The following URGCP variants were observed in gnomAD, a reference collection of about 807,000 sequenced individuals.
URGCP encodes up-regulator of cell proliferation.
A neutral mutation model predicts 24.6 loss-of-function variants in URGCP; 13 were observed. The observed-to-expected ratio is 0.53, with a 90% CI of 0.34 to 0.84. The LOEUF is 0.84. Ranked by LOEUF, URGCP falls within the 40% of genes least tolerant of loss-of-function variation. The pLI, the probability that URGCP is intolerant of heterozygous loss-of-function variation, is 0.01. For synonymous variants in URGCP, 444 were observed against 487.2 expected, an observed-to-expected ratio of 0.91 and a Z score of 1.17; for missense variants, 899 against 1,194.3, an observed-to-expected ratio of 0.75 and a Z score of 3.64.
At chr7:43,925,729 AC>A (rs2095928790) in intron 1 of URGCP, among the ~76,000 whole-genome samples, 1 of 149,138 alleles carries the variant, frequency 6.7e-6, no homozygotes, top group South Asian at 2.2e-4. Context: ...CGAACTCCTG[AC>A]CTCAAGTGAT....
chr7:43,913,429 A>G (rs1422999455), intron 1 of URGCP, among the ~76,000 whole-genome samples: 3 of 151,624 alleles, frequency 2.0e-5, no homozygotes, highest in Admixed American at 6.6e-5. Context: ...CGTGTTAGCC[A>G]GGATGGTCTT....
At chr7:43,918,756 T>C in intron 1 of URGCP, 2 of 836,962 alleles carry the variant, frequency 2.4e-6, no homozygotes, top group East Asian at 2.4e-5. Context: ...TGGGTTCGAG[T>C]TCTGGAAACA....
At chr7:43,898,246 A>T (rs1461313689) in intron 1 of URGCP, among the ~76,000 whole-genome samples, 1 of 152,246 alleles carries the variant, frequency 6.6e-6, no homozygotes, top group Admixed American at 6.5e-5. Context: ...CCAAGAGATC[A>T]ACCTGAAAAC....
At chr7:43,907,075 T>C (rs2095904765), upstream of URGCP, 2 of 152,276 alleles carry the variant, frequency 1.3e-5, no homozygotes, top group Non-Finnish European at 2.9e-5. Context: ...AAAATGTGTA[T>C]AAAGTGGCCT....
chr7:43,889,690 A>G (rs1049926463), intron 1 of URGCP: 2 of 152,224 alleles, frequency 1.3e-5, no homozygotes, highest in Non-Finnish European at 2.9e-5. Context: ...GCTCTAGCCC[A>G]TTCTGTTAAC....
At chr7:43,881,505 G>T (rs1176319073) in intron 5 of URGCP, among the ~76,000 whole-genome samples, 154 bp downstream of exon 5, 1 of 146,118 alleles carries the variant, frequency 6.8e-6, no homozygotes, top group Non-Finnish European at 1.5e-5. Flanking sequence ...TAGCAATATG[G>T]TTAACAATGT....
chr7:43,878,555 T>C lies in URGCP; in HGVS notation c.908A>G (p.Asn303Ser), dbSNP rs949819430. ...CAACCCATCCGAAATCTCCCGGGCA[T>C]TGGTGCCCAAGTTGAGGTCCCGATG... ...FWHRDLNLGT[N>S]AREISDGLVE... Residue 303 changes from asparagine to serine, a missense_variant, in exon 6 of 6, where the codon AAT (asparagine) becomes AGT (serine). Coordinates refer to ENST00000453200, the MANE Select transcript of URGCP (RefSeq NM_001077663.3). The surrounding 1 kb of genome is among the most constrained non-coding windows in gnomAD (Gnocchi z 5.6). 1.9e-6 allele frequency: 3 copies of C among 1,614,200 alleles called. No homozygotes were observed. The highest frequency in any genetic ancestry group is 2.2e-5 in the East Asian group (1 of 44,874).
At chr7:43,924,736 G>C (rs2095926695) in intron 1 of URGCP, among the ~76,000 whole-genome samples, 1 of 152,108 alleles carries the variant, frequency 6.6e-6, no homozygotes, top group African/African-American at 2.4e-5. Context: ...CAGGTGGGCT[G>C]GAGGTAGGAA....
chr7:43,915,041 G>A (rs1472664239), intron 1 of URGCP, among the ~76,000 whole-genome samples: 1 of 152,244 alleles, frequency 6.6e-6, no homozygotes, highest in Non-Finnish European at 1.5e-5. Context: ...GCTGGGAGAG[G>A]AGCCTGGCCT....
chr7:43,914,267 G>T (rs1344123232), intron 1 of URGCP, among the ~76,000 whole-genome samples: 1 of 152,158 alleles, frequency 6.6e-6, no homozygotes, highest in African/African-American at 2.4e-5. Flanking sequence ...TTGGGAGGCT[G>T]AGGTGGGGTG....
At position 43,885,152 on chromosome 7, in the gene URGCP, G is replaced by A. The variant is rs1286742465; in HGVS notation, c.112+2263C>T. Among the ~76,000 whole-genome samples, 7 of 150,820 alleles carry A rather than the reference G, an allele frequency of 4.6e-5. No individual in the cohort carries two copies. The East Asian group carries it at 1.4e-3, about 29-fold the overall frequency. On this transcript the variant is annotated intron_variant, in intron 3 of 5. Transcript: ENST00000453200. ...GTCTTGCTCTGTCGCCCAGGCTGGA[G>A]TGCAGTGGTATGATCCCGGCTCACA...
intron 1 of URGCP, among the ~76,000 whole-genome samples, chr7:43,893,482 T>C (rs918035914): frequency 1.3e-5 from 2 of 152,194 alleles, no homozygotes; most frequent in African/African-American, 2.4e-5. Flanking sequence ...GACTGTACCA[T>C]TGTGCTCCAA....
In URGCP at chr7:43,877,801, CCCCGAGATGAACT is replaced by C; in HGVS notation, c.1649_1661del (p.Glu550GlyfsTer7). On this transcript the variant is annotated frameshift_variant, in exon 6 of 6. Transcript: ENST00000453200. LOFTEE classifies it low-confidence loss of function (END_TRUNC). Reference sequence around the variant, plus strand: ...TCTCACTCAAGGAGGGGCTGCTGATCCCCGAGATGAACTCCTGCACCCCCGAGGAGGGATCATG... The same window carrying C: ...TCTCACTCAAGGAGGGGCTGCTGATCCCTGCACCCCCGAGGAGGGATCATG... 6.2e-7 allele frequency: 1 copy of C among 1,603,822 alleles called. No individual in the cohort carries two copies. The highest frequency in any genetic ancestry group is 8.5e-7 in the Non-Finnish European group (1 of 1,174,782).
At chr7:43,925,928 G>A (rs2095929443) in intron 1 of URGCP, among the ~76,000 whole-genome samples, 1 of 151,532 alleles carries the variant, frequency 6.6e-6, no homozygotes, top group Non-Finnish European at 1.5e-5. Context: ...AAAATAGGAA[G>A]GAGACAGATA....
rs377495827 is a variant in URGCP at position 43,898,969 on chromosome 7, A to G, written c.14+7593T>C. 2.0e-4 allele frequency among the ~76,000 whole-genome samples: 30 copies of G among 149,196 alleles called. No individual in the cohort carries two copies. The East Asian group carries it at 3.9e-3, about 19-fold the overall frequency. ...TGGCCAACATGGTGAAACTGTTTCCACTAAAAGTACGAAAATTAGCCAGGC... is the reference window on the plus strand; with the variant it reads ...TGGCCAACATGGTGAAACTGTTTCCGCTAAAAGTACGAAAATTAGCCAGGC... On this transcript the variant is annotated intron_variant, in intron 1 of 5. Coordinates refer to ENST00000453200, the MANE Select transcript of URGCP (RefSeq NM_001077663.3).
intron 1 of URGCP, among the ~76,000 whole-genome samples, chr7:43,901,255 C>T (rs1369048956): frequency 6.6e-6 from 1 of 152,194 alleles, no homozygotes; most frequent in Non-Finnish European, 1.5e-5. Context: ...GAGAGGCTCT[C>T]CCCTGAGCTG....
At chr7:43,888,237 C>T (rs2095864948) in intron 1 of URGCP, 1 of 154,110 alleles carries the variant, frequency 6.5e-6, no homozygotes, top group Non-Finnish European at 1.4e-5. Context: ...TGTGGTGGCT[C>T]ACGCCTGCAA....
chr7:43,882,106 T>C, intron 3 of URGCP, 149 bp from the exon 4 acceptor site: 3 of 1,369,434 alleles, frequency 2.2e-6, no homozygotes, highest in Non-Finnish European at 2.9e-6. Context: ...GAGACCAGCC[T>C]GGGCAACAAA....
chr7:43,881,479 T>G (rs994672333), intron 5 of URGCP, among the ~76,000 whole-genome samples, 180 bp downstream of exon 5: 3 of 149,802 alleles, frequency 2.0e-5, no homozygotes, highest in Admixed American at 1.3e-4. Context: ...CCAGGGTTTT[T>G]TTTTTTTTTT....
Sources: allele counts gnomAD v4.1 joint callset (sites outside exome capture counted in the v4.1 genomes callset), GRCh38; gene constraint gnomAD v4.1.1; non-coding constraint Gnocchi (gnomAD v3.1); transcripts MANE v1.5; gene names NCBI Gene and HGNC (gene_info 2026-07-23, HGNC 2026-07-21).